XKR6: variants seen among roughly 807,000 people sequenced by gnomAD.
The protein encoded by XKR6 is XK related 6.
Under a neutral mutation model 56.7 loss-of-function variants are expected in XKR6, and 22 were observed. That is an observed-to-expected ratio of 0.39 (90% CI 0.28 to 0.55). XKR6 has a LOEUF of 0.55. Ranked by LOEUF, XKR6 falls within the 20% of genes least tolerant of loss-of-function variation. XKR6 has a pLI of 0.66. For missense variants in XKR6, 852 were observed against 889.0 expected (o/e 0.96, Z 0.53); for synonymous variants, 524 against 387.8 (o/e 1.35, Z -4.13).
chr8:10,939,853 T>C (rs1203012894), intron 1 of XKR6, among the ~76,000 whole-genome samples: 2 of 152,182 alleles, frequency 1.3e-5, no homozygotes, highest in Non-Finnish European at 2.9e-5. Flanking sequence ...TTGTCAGGCG[T>C]CCTTGGGAGA....
chr8:11,172,376 A>G (rs1303721590), intron 1 of XKR6, among the ~76,000 whole-genome samples: 1 of 152,150 alleles, frequency 6.6e-6, no homozygotes, highest in African/African-American at 2.4e-5. Flanking sequence ...AAATAAATAA[A>G]TAAACAAAAT....
intron 2 of XKR6, among the ~76,000 whole-genome samples, chr8:10,903,972 G>A (rs1800114665): frequency 6.6e-6 from 1 of 152,184 alleles, no homozygotes; most frequent in African/African-American, 2.4e-5. Flanking sequence ...CAACTCAAAA[G>A]TCAATGCGTT....
At chr8:10,960,350 C>G (rs1563313189) in intron 1 of XKR6, among the ~76,000 whole-genome samples, 2 of 152,190 alleles carry the variant, frequency 1.3e-5, no homozygotes. Context: ...CCCGTTAACC[C>G]ATAAATATCA....
intron 1 of XKR6, among the ~76,000 whole-genome samples, chr8:11,044,372 C>G (rs898265374): frequency 6.6e-6 from 1 of 152,184 alleles, no homozygotes; most frequent in African/African-American, 2.4e-5. Context: ...TCTCAGCCAA[C>G]CCCTTCAGCA....
rs1168532184 is a variant in XKR6 at position 11,188,512 on chromosome 8, A to G, written c.764+12064T>C. ...CTTCCAACCCACAGCCATATATACC[A>G]TCACCCTCTAGGCCCAACCAAAACC... On this transcript the variant is annotated intron_variant, in intron 1 of 2. Coordinates refer to ENST00000416569, the MANE Select transcript of XKR6 (RefSeq NM_173683.4). Among the ~76,000 whole-genome samples, 4 of 152,154 alleles carry G rather than the reference A, an allele frequency of 2.6e-5. No homozygotes were observed. The East Asian group carries it at 7.7e-4, about 29-fold the overall frequency.
intron 1 of XKR6, among the ~76,000 whole-genome samples, chr8:11,058,681 C>T (rs749200997): frequency 5.6e-4 from 85 of 152,080 alleles, no homozygotes; most frequent in Non-Finnish European, 4.9e-4. Context: ...ACACCGGAGC[C>T]TGTCGTGGGC....
At chr8:11,184,497 C>G (rs1409953723) in intron 1 of XKR6, among the ~76,000 whole-genome samples, 2 of 151,822 alleles carry the variant, frequency 1.3e-5, no homozygotes, top group Non-Finnish European at 2.9e-5. Context: ...ACACTTGGAA[C>G]TAACTGAACA....
chr8:10,905,290 G>A (rs1222258953), intron 2 of XKR6, among the ~76,000 whole-genome samples: 3 of 152,126 alleles, frequency 2.0e-5, no homozygotes, highest in Non-Finnish European at 2.9e-5. Flanking sequence ...TGCGGCATTC[G>A]GAGGACTGCT....
At chr8:11,013,273 C>T (rs995905075) in intron 1 of XKR6, among the ~76,000 whole-genome samples, 1 of 152,184 alleles carries the variant, frequency 6.6e-6, no homozygotes, top group Non-Finnish European at 1.5e-5. Flanking sequence ...GCTGAGGAGG[C>T]TGACCTTCAC....
At chr8:10,994,940 T>C (rs921728717) in intron 1 of XKR6, among the ~76,000 whole-genome samples, 1 of 152,046 alleles carries the variant, frequency 6.6e-6, no homozygotes, top group African/African-American at 2.4e-5. Flanking sequence ...AAAACACACT[T>C]CCAGTGTCAC....
intron 1 of XKR6, among the ~76,000 whole-genome samples, chr8:10,948,027 G>C (rs560476413): frequency 6.6e-6 from 1 of 152,262 alleles, no homozygotes; most frequent in South Asian, 2.1e-4. Context: ...TGGGTTAGGG[G>C]AGAGGTGACT....
intron 1 of XKR6, chr8:11,125,789 A>C (rs922293054): frequency 6.6e-6 from 1 of 152,200 alleles, no homozygotes; most frequent in Admixed American, 6.5e-5. Context: ...CTGTACCTAC[A>C]TCACTCTTCA....
At chr8:10,993,460 T>C (rs917360152) in intron 1 of XKR6, among the ~76,000 whole-genome samples, 5 of 152,216 alleles carry the variant, frequency 3.3e-5, no homozygotes, top group Admixed American at 3.3e-4. Flanking sequence ...CTCCTTCAAC[T>C]GGATGATGCT....
At chr8:11,006,114 G>A (rs371740155) in intron 1 of XKR6, among the ~76,000 whole-genome samples, 3 of 152,098 alleles carry the variant, frequency 2.0e-5, no homozygotes, top group African/African-American at 7.2e-5. Context: ...AAAGTGCTGC[G>A]ATTACAGGCG....
chr8:11,037,807 G>T (rs28636452), intron 1 of XKR6, among the ~76,000 whole-genome samples: 4,894 of 150,574 alleles, frequency 0.033, 266 homozygotes, highest in African/African-American at 0.11. Flanking sequence ...GCACTGAGCC[G>T]AGATCGTGCC....
intron 2 of XKR6, among the ~76,000 whole-genome samples, chr8:10,924,147 A>G (rs1260276298): frequency 6.6e-6 from 1 of 152,200 alleles, no homozygotes; most frequent in African/African-American, 2.4e-5. Context: ...GAGCTACTTA[A>G]GCTGCTTTAC....
intron 1 of XKR6, chr8:11,002,550 C>A (rs1798266909): frequency 8.7e-6 from 2 of 230,150 alleles, no homozygotes; most frequent in Admixed American, 5.0e-5. Context: ...TACCCAGAGC[C>A]CTGTGGCTGG....
intron 1 of XKR6, among the ~76,000 whole-genome samples, chr8:11,052,949 C>T (rs1360584271): frequency 6.6e-6 from 1 of 152,176 alleles, no homozygotes; most frequent in Non-Finnish European, 1.5e-5. Flanking sequence ...GCCTGTGCTG[C>T]GTGTCTGGCA....
intron 1 of XKR6, among the ~76,000 whole-genome samples, chr8:11,186,079 C>A (rs10099870): frequency 0.01 from 1,591 of 152,240 alleles, 31 homozygotes; most frequent in African/African-American, 0.036. Flanking sequence ...CTTGCCAAGT[C>A]CCGAATCAAA....
Sources: allele counts gnomAD v4.1 joint callset (sites outside exome capture counted in the v4.1 genomes callset), GRCh38; gene constraint gnomAD v4.1.1; transcripts MANE v1.5; gene names NCBI Gene and HGNC (gene_info 2026-07-23, HGNC 2026-07-21).